Variants in PRAMEF20 observed in about 807,000 individuals in gnomAD.
PRAMEF20 encodes the protein PRAME family member 20/21.
In PRAMEF20, 27 loss-of-function variants were observed where a neutral mutation model predicts 32.4. The ratio of observed to expected loss-of-function variants is 0.83; its 90% CI spans 0.61 to 1.15. The LOEUF (loss-of-function observed/expected upper bound fraction) is 1.15. Ranked by LOEUF, PRAMEF20 falls within the 50% of genes most tolerant of loss-of-function variation. The pLI is 0.00. For missense variants in PRAMEF20, 604 were observed against 584.5 expected, an observed-to-expected ratio of 1.03 and a Z score of -0.34; for synonymous variants, 256 against 235.4, an observed-to-expected ratio of 1.09 and a Z score of -0.80.
At chr1:13,420,144 T>C (rs928418033) in intron 2 of PRAMEF20, among the ~76,000 whole-genome samples, 2 of 152,166 alleles carry the variant, frequency 1.3e-5, no homozygotes, top group African/African-American at 2.4e-5. Context: ...AAGGGAGCTT[T>C]AGGGATTCTG....
chr1:13,415,754 C>T (rs1487361209), upstream of PRAMEF20, among the ~76,000 whole-genome samples: 6 of 134,616 alleles, frequency 4.5e-5, no homozygotes, highest in Admixed American at 4.0e-4. Context: ...TGCACCACTG[C>T]ACTCCAGCCT....
At chr1:13,419,442 C>G (rs1245475590) in intron 2 of PRAMEF20, among the ~76,000 whole-genome samples, 3 of 152,038 alleles carry the variant, frequency 2.0e-5, no homozygotes, top group Non-Finnish European at 4.4e-5. Flanking sequence ...AGCCACCACA[C>G]CCGACCCAAA....
upstream of PRAMEF20, among the ~76,000 whole-genome samples, chr1:13,414,806 T>C (rs988912505): frequency 2.6e-5 from 4 of 151,758 alleles, no homozygotes; most frequent in East Asian, 3.9e-4. Flanking sequence ...AATATATATA[T>C]ATAGAGAGAG....
At chr1:13,410,643 CA>C in the PRAMEF20 span, 2 of 139,150 alleles carry the variant, frequency 1.4e-5, no homozygotes. Context: ...TTTGTATGAA[CA>C]ATTTGAAGCT....
chr1:13,420,787 T>C (rs1641234044), exon 3 of PRAMEF20: 20 of 1,609,622 alleles, frequency 1.2e-5, no homozygotes, highest in Non-Finnish European at 1.4e-5. Flanking sequence ...ACCCGAGCAT[T>C]GGTCAACTAA....
At chr1:13,418,398 G>A in exon 2 of PRAMEF20, 1 of 1,613,856 alleles carries the variant, frequency 6.2e-7, no homozygotes, top group Non-Finnish European at 8.5e-7. Flanking sequence ...TGAAAATGTT[G>A]GGAATGCTCT....
chr1:13,417,266 C>A (rs1014825205), intron 1 of PRAMEF20, among the ~76,000 whole-genome samples: 3 of 151,948 alleles, frequency 2.0e-5, no homozygotes, highest in African/African-American at 7.2e-5. Flanking sequence ...GCCTTTTTTT[C>A]AATCATCCCC....
exon 3 of PRAMEF20, chr1:13,420,901 T>G (rs1164018676): frequency 6.2e-7 from 1 of 1,613,798 alleles, no homozygotes; most frequent in African/African-American, 1.3e-5. Flanking sequence ...TGGACTTAGA[T>G]GACTGTGGCA....
exon 1 of PRAMEF20, chr1:13,416,482 C>A: frequency 6.2e-7 from 1 of 1,614,128 alleles, no homozygotes; most frequent in Non-Finnish European, 8.5e-7. Context: ...TTCATGGAGG[C>A]CTTCAGCAGG....
At chr1:13,411,999 T>C (rs1295202840), upstream of PRAMEF20, among the ~76,000 whole-genome samples, 3 of 152,046 alleles carry the variant, frequency 2.0e-5, no homozygotes, top group African/African-American at 7.2e-5. Context: ...TGGCTTTTAA[T>C]TGGTCATTCT....
chr1:13,414,992 G>C (rs1641154689), upstream of PRAMEF20, among the ~76,000 whole-genome samples: 1 of 151,278 alleles, frequency 6.6e-6, no homozygotes, highest in African/African-American at 2.4e-5. Context: ...TAGAGATGAG[G>C]TTTCACCATA....
chr1:13,414,208 A>ATT (rs149194621), upstream of PRAMEF20, among the ~76,000 whole-genome samples: 76 of 123,280 alleles, frequency 6.2e-4, no homozygotes, highest in Middle Eastern at 4.6e-3. Context: ...CACCTGACTA[A>ATT]TTTTTTTTTT....
chr1:13,417,919 T>TG (rs1342068404), intron 1 of PRAMEF20, among the ~76,000 whole-genome samples: 2 of 137,068 alleles, frequency 1.5e-5, no homozygotes, highest in Admixed American at 7.4e-5. Flanking sequence ...TTTGTGTGTG[T>TG]GTGTGTGTGT....
At position 13,416,628 on chromosome 1, in the gene PRAMEF20, AG is replaced by A. The variant is rs1273477745; in HGVS notation, c.277del (p.Val93PhefsTer37). Reference sequence around the variant, plus strand: ...TGGGCTTGATGCACTGCTTACCCACAGGGTTCGTCTCAGGTGAGGTGGCCCA... The same window carrying A: ...TGGGCTTGATGCACTGCTTACCCACAGGTTCGTCTCAGGTGAGGTGGCCCA... On this transcript the variant is annotated frameshift_variant, in exon 1 of 3. Coordinates refer to ENST00000602960, the Ensembl canonical transcript of PRAMEF20. LOFTEE classifies it high-confidence loss of function. 1 of 1,613,932 alleles carries A rather than the reference AG, an allele frequency of 6.2e-7. No homozygotes were observed. The highest frequency in any genetic ancestry group is 8.5e-7 in the Non-Finnish European group (1 of 1,179,988).
intron 1 of PRAMEF20, among the ~76,000 whole-genome samples, 170 bp from the exon 3 acceptor site, chr1:13,417,952 G>GTGTGTGTGT (rs1641199662): frequency 7.0e-6 from 1 of 142,024 alleles, no homozygotes; most frequent in Non-Finnish European, 1.5e-5. Context: ...GTGTGTGTGT[G>GTGTGTGTGT]TTTAGTAGAG....
intron 2 of PRAMEF20, 88 bp from the exon 4 acceptor site, chr1:13,420,609 C>G: frequency 8.2e-6 from 13 of 1,579,690 alleles, no homozygotes; most frequent in Non-Finnish European, 1.1e-5. Context: ...GCAAAATGGT[C>G]TCCATCCATC....
At chr1:13,414,755 G>A (rs1023796187), upstream of PRAMEF20, among the ~76,000 whole-genome samples, 8 of 151,432 alleles carry the variant, frequency 5.3e-5, no homozygotes, top group African/African-American at 1.5e-4. Context: ...GTGAACCACC[G>A]CACCCAGCCC....
At chr1:13,412,626 C>T (rs1330619511), upstream of PRAMEF20, among the ~76,000 whole-genome samples, 1 of 151,752 alleles carries the variant, frequency 6.6e-6, no homozygotes, top group African/African-American at 2.4e-5. Context: ...CTGCCCGGCT[C>T]CCACCCTTCA....
At chr1:13,417,931 T>TGTGTGTGTGTG (rs1310673446) in intron 1 of PRAMEF20, among the ~76,000 whole-genome samples, 191 bp from the exon 3 acceptor site, 2 of 148,580 alleles carry the variant, frequency 1.3e-5, no homozygotes, top group African/African-American at 4.9e-5. Context: ...TGTGTGTGTG[T>TGTGTGTGTGTG]GTGTGTGTGT....
Sources: gnomAD v4.1 joint callset for allele counts (sites outside exome capture counted in the v4.1 genomes callset) on GRCh38, gnomAD v4.1.1 for gene constraint, MANE v1.5 for transcripts, NCBI Gene and HGNC (gene_info 2026-07-23, HGNC 2026-07-21) for gene names.